Variants in A2M observed in about 807,000 individuals in gnomAD.
A2M encodes C3 and PZP-like alpha-2-macroglobulin domain-containing protein 5.
A neutral mutation model predicts 183.9 loss-of-function variants in A2M; 128 were observed. The ratio of observed to expected loss-of-function variants is 0.70; its 90% confidence interval spans 0.60 to 0.81. The LOEUF (loss-of-function observed/expected upper bound fraction) is 0.81, where lower values mean the gene tolerates loss of function less well. Ranked by LOEUF, A2M falls within the 30% of genes least tolerant of loss-of-function variation. The probability of loss-of-function intolerance (pLI) is 0.00; values close to 1 mark genes in which losing one functional copy is unlikely to be tolerated. For synonymous variants in A2M, 592 were observed against 670.8 expected (o/e 0.88, Z 1.81); for missense variants, 1,495 against 1,787.6 (o/e 0.84, Z 2.95).
chr12:9,087,765 A>G (rs2137766080), intron 22 of A2M, among the ~76,000 whole-genome samples: 1 of 152,242 alleles, frequency 6.6e-6, no homozygotes, highest in East Asian at 1.9e-4. Flanking sequence ...ACAATTATAA[A>G]TGGTCAGTTT....
rs1198565940 is a variant in A2M, at chr12:9,101,841, A to T, written c.1267-167T>A. 1.3e-5 allele frequency among the ~76,000 whole-genome samples: 2 copies of T among 152,210 alleles called. 1 individual carries two copies. Among genetic ancestry groups the T allele is most frequent in the Non-Finnish European group, 2.9e-5 (2 of 68,040 alleles). ...CCCTGATTTTGTTTCTCTGCTTCAA[A>T]TGTAGGCATGCTTTGTGACTTTACA... On this transcript the variant is annotated intron_variant, in intron 11 of 35. Coordinates refer to ENST00000318602, the MANE Select transcript of A2M (RefSeq NM_000014.6).
Position 9,091,314 on chromosome 12 carries a change from G to C in A2M, c.2356C>G (p.Leu786Val). ...ACAAAGAAGGGCTGGAAGGCTCGGA[G>C]AGAGGCAGTGGAAGAGATACCAAGT... ...AGLGISSTASLRAFQPFFVEL... is the reference protein window; with the variant it reads ...AGLGISSTASVRAFQPFFVEL... Residue 786 changes from leucine (L) to valine (V), a missense_variant, in exon 19 of 36, where the codon CTC (leucine) becomes GTC (valine). Leu to Val is a conservative substitution (Grantham distance 32, BLOSUM62 1). Coordinates refer to ENST00000318602, the MANE Select transcript of A2M (RefSeq NM_000014.6). 1 of 1,614,204 alleles carries C rather than the reference G, an allele frequency of 6.2e-7. No homozygotes were observed. The highest frequency in any genetic ancestry group is 8.5e-7 in the Non-Finnish European group (1 of 1,180,036).
rs748246604 is a variant in A2M at position 9,095,585 on chromosome 12, G to A, written c.1967C>T (p.Thr656Ile). The change falls in exon 16 of 36, where the codon ACT becomes ATT. Residue 656 changes from threonine (T) to isoleucine (I), a missense_variant. By Grantham distance (89) the Thr-to-Ile change is moderately conservative (BLOSUM62 -1). Coordinates refer to ENST00000318602, the MANE Select transcript of A2M (RefSeq NM_000014.6). ...HNVYINGITY[T>I]PVSSTNEKDM... The stretch of plus-strand genomic sequence containing the variant: ...CTTTTCATTTGTACTTGATACTGGA[G>A]TATATGTGATTCCATTAATATAGAC... 4 of 1,611,940 alleles carry A rather than the reference G, an allele frequency of 2.5e-6. No individual in the cohort carries two copies. Among genetic ancestry groups the A allele is most frequent in the Non-Finnish European group, 2.5e-6 (3 of 1,178,176 alleles).
At chr12:9,113,319 C>T (rs1323821873) in intron 2 of A2M, 41 bp downstream of exon 2, 43 of 1,602,980 alleles carry the variant, frequency 2.7e-5, no homozygotes, top group Non-Finnish European at 3.4e-5. Flanking sequence ...ATGACCCTGA[C>T]TAAAAGAACC....
intron 17 of A2M, 48 bp from the exon 18 acceptor site, chr12:9,093,627 C>T (rs776894238): frequency 9.6e-7 from 1 of 1,044,368 alleles, no homozygotes; most frequent in Admixed American, 3.0e-5. Context: ...ACAGATAAAG[C>T]TTATGAGAGA....
chr12:9,072,939 C>T (rs1365564243), intron 29 of A2M, 68 bp from the exon 30 acceptor site: 3 of 1,332,574 alleles, frequency 2.3e-6, no homozygotes. Flanking sequence ...AGATATTTTT[C>T]AAAGACCCAT....
At chr12:9,104,457 A>C (rs961096419) in intron 10 of A2M, 57 bp from the exon 11 acceptor site, 9 of 1,507,554 alleles carry the variant, frequency 6.0e-6, no homozygotes, top group Non-Finnish European at 8.1e-6. Flanking sequence ...GGCACCAAAC[A>C]TATTCATTTA....
chr12:9,112,374 T>A lies in A2M; in HGVS notation c.430+3A>T, dbSNP rs1367309147. The A allele has an allele frequency of 1.9e-6, 3 of 1,613,206 alleles. No individual in the cohort carries two copies. Among genetic ancestry groups the A allele is most frequent in the Non-Finnish European group, 1.7e-6 (2 of 1,179,284 alleles). On this transcript the variant is annotated splice_donor_region_variant and intron_variant, in intron 3 of 35. Transcript: ENST00000318602. ...GTTGTCCTGTCTGTAGGCTTCTTCA[T>A]ACCTGTCTGCCCTGGTTTGTAGATT...
At position 9,077,847 on chromosome 12, in the gene A2M, A is replaced by G. The variant is rs1948793244; in HGVS notation, c.3130T>C (p.Phe1044Leu). The G allele has an allele frequency of 6.2e-7, 1 of 1,614,028 alleles. No individual in the cohort carries two copies. Among genetic ancestry groups the G allele is most frequent in the Non-Finnish European group, 8.5e-7 (1 of 1,180,000 alleles). ...RNQGNTWLTA[F>L]VLKTFAQARA... ...GCTTGGGCAAAAGTCTTCAGAACAA[A>G]GGCTGTGAGCCTGACCAGGGAGGAA... is the stretch of plus-strand genomic sequence containing the variant. Residue 1044 changes from phenylalanine to leucine, a missense_variant, in exon 26 of 36, where the codon TTT (phenylalanine) becomes CTT (leucine). Phe to Leu is a conservative substitution (Grantham distance 22). Coordinates refer to ENST00000318602, the MANE Select transcript of A2M (RefSeq NM_000014.6).
chr12:9,069,953 A>T, intron 32 of A2M, 140 bp from the exon 33 acceptor site: 1 of 675,376 alleles, frequency 1.5e-6, no homozygotes, highest in Non-Finnish European at 2.5e-6. Context: ...ATATAATGTA[A>T]TACAATTAAA....
In A2M at chr12:9,104,308, C is replaced by T. The variant is rs778247493; in HGVS notation, c.1197G>A (p.Thr399=). ...NEANYYSNAT[T]DEHGLVQFSI... ...AGAACTGTACAAGGCCATGCTCATCCGTGGTAGCATTGGAGTAATAGTTTG... is the reference window on the plus strand; with the variant it reads ...AGAACTGTACAAGGCCATGCTCATCTGTGGTAGCATTGGAGTAATAGTTTG... Residue 399 remains threonine (T), a synonymous_variant, in exon 11 of 36, where the codon ACG becomes ACA. Transcript: ENST00000318602. The T allele has an allele frequency of 1.5e-5, 24 of 1,612,688 alleles. No homozygotes were observed. Among genetic ancestry groups the T allele is most frequent in the East Asian group, 4.5e-5 (2 of 44,866 alleles).
chr12:9,109,295 A>G, intron 7 of A2M, 26 bp downstream of exon 7: 6 of 1,565,784 alleles, frequency 3.8e-6, no homozygotes, highest in Non-Finnish European at 5.3e-6. Flanking sequence ...AATCCCCCAC[A>G]AAAGATTTTT....
At chr12:9,103,775 T>G (rs1405504891) in intron 11 of A2M, among the ~76,000 whole-genome samples, 1 of 152,192 alleles carries the variant, frequency 6.6e-6, no homozygotes, top group Non-Finnish European at 1.5e-5. Flanking sequence ...AATATTCTGT[T>G]GTATTTATAT....
chr12:9,113,260 A>G (rs890664537), intron 2 of A2M, 100 bp downstream of exon 2: 26 of 1,268,756 alleles, frequency 2.0e-5, no homozygotes, highest in Non-Finnish European at 2.7e-5. Context: ...TCCTTCCTGC[A>G]GTTCTTACCA....
intron 4 of A2M, 79 bp downstream of exon 4, chr12:9,112,080 G>C (rs1028403182): frequency 1.5e-6 from 2 of 1,358,300 alleles, no homozygotes; most frequent in South Asian, 1.2e-5. Context: ...TCCTCTCCCT[G>C]GTCTTCCCTC....
At chr12:9,077,878 C>A in intron 25 of A2M, 21 bp from the exon 26 acceptor site, 1 of 1,613,934 alleles carries the variant, frequency 6.2e-7, no homozygotes, top group South Asian at 1.1e-5. Context: ...AGGAAGCAAT[C>A]ATGATGTTTA....
chr12:9,079,626 A>G lies in A2M; in HGVS notation c.3031+13T>C. On this transcript the variant is annotated intron_variant, in intron 24 of 35. Coordinates refer to ENST00000318602, the MANE Select transcript of A2M (RefSeq NM_000014.6). Reference sequence around the variant, plus strand: ...TAACATTCAAGTTTTCCCTTACTCAAGTAATCACTCACCAGTGTTGAGATA... The same window carrying G: ...TAACATTCAAGTTTTCCCTTACTCAGGTAATCACTCACCAGTGTTGAGATA... 2 of 1,607,474 alleles carry G rather than the reference A, an allele frequency of 1.2e-6. No individual in the cohort carries two copies. Among genetic ancestry groups the G allele is most frequent in the Non-Finnish European group, 1.7e-6 (2 of 1,177,032 alleles).
At chr12:9,111,240 G>T (rs1186162857) in intron 4 of A2M, among the ~76,000 whole-genome samples, 1 of 152,082 alleles carries the variant, frequency 6.6e-6, no homozygotes, top group South Asian at 2.1e-4. Flanking sequence ...ATATAACCAC[G>T]CACAAAAGAA....
rs1592325973 is a variant in A2M, at chr12:9,070,597, A to G, written c.4104-19T>C. 2.5e-6 allele frequency: 4 copies of G among 1,573,098 alleles called. No homozygotes were observed. In the African/African-American group the frequency reaches 4.1e-5, roughly 16 times the overall value. On this transcript the variant is annotated intron_variant, in intron 31 of 35. Coordinates refer to ENST00000318602, the MANE Select transcript of A2M (RefSeq NM_000014.6). ...TGTGTAACTGAGGATCCAGGGGAGG[A>G]AAGGATTAGGGTTTTCTGTGTTTTT...
Sources: gnomAD v4.1 joint callset for allele counts (sites outside exome capture counted in the v4.1 genomes callset) on GRCh38, gnomAD v4.1.1 for gene constraint, MANE v1.5 for transcripts, NCBI Gene and HGNC (gene_info 2026-07-23, HGNC 2026-07-21) for gene names.